Variants in SIGLEC10 observed in about 807,000 individuals in gnomAD.
The protein encoded by SIGLEC10 is sialic acid binding Ig like lectin 10, also known as sialic acid-binding Ig-like lectin 10.
Under a neutral mutation model 68.3 loss-of-function variants are expected in SIGLEC10, and 45 were observed. The ratio of observed to expected loss-of-function variants is 0.66; its 90% CI spans 0.52 to 0.84. The LOEUF (loss-of-function observed/expected upper bound fraction) is 0.84. Ranked by LOEUF, SIGLEC10 falls within the 40% of genes least tolerant of loss-of-function variation. The pLI, the probability that SIGLEC10 is intolerant of heterozygous loss-of-function variation, is 0.00. For missense variants in SIGLEC10, 789 were observed against 883.1 expected (o/e 0.89, Z 1.35); for synonymous variants, 379 against 370.8 (o/e 1.02, Z -0.26).
In SIGLEC10 at chr19:51,414,467, C is replaced by G; in HGVS notation, c.1664G>C (p.Gly555Ala). 1 of 1,614,008 alleles carries G rather than the reference C, an allele frequency of 6.2e-7. No individual in the cohort carries two copies. Among genetic ancestry groups the G allele is most frequent in the Non-Finnish European group, 8.5e-7 (1 of 1,179,984 alleles). The change falls in exon 9 of 11, where the codon GGA (glycine) becomes GCA (alanine). Residue 555 changes from glycine to alanine, a missense_variant. Gly to Ala is a moderately conservative substitution (Grantham distance 60). Transcript: ENST00000339313. This position sits in a 1 kb window ranked among gnomAD's most constrained non-coding sequence, Gnocchi z 4.1. ...GAAAAGAAGAGCCGTGATGCCGATTCCCAGAAACGCTCCGTTGGAGAATGC... is the reference window on the plus strand; with the variant it reads ...GAAAAGAAGAGCCGTGATGCCGATTGCCAGAAACGCTCCGTTGGAGAATGC... Reference protein sequence around the residue: ...STAFSNGAFLGIGITALLFLC... With the variant: ...STAFSNGAFLAIGITALLFLC...
chr19:51,416,967 G>A lies in SIGLEC10; in HGVS notation c.422-17C>T. 6.2e-7 allele frequency: 1 copy of A among 1,600,276 alleles called. No homozygotes were observed. The highest frequency in any genetic ancestry group is 8.5e-7 in the Non-Finnish European group (1 of 1,173,534). The stretch of plus-strand genomic sequence containing the variant: ...GAGTCAGGGCTGGGACAGAGACCGT[G>A]GTGGGAGATTCTTGTGCTGCAGGGG... On this transcript the variant is annotated splice_polypyrimidine_tract_variant and intron_variant, in intron 2 of 10. Transcript: ENST00000339313.
At position 51,413,724 on chromosome 19, in the gene SIGLEC10, C is replaced by G. The variant is rs144827503; in HGVS notation, c.1809G>C (p.Thr603=). The stretch of plus-strand genomic sequence containing the variant: ...CCCAGACACTCACCAGGGGGCCAGC[C>G]GTCGGGACCACATTGATGTAATCCA... ...TILDYINVVP[T]AGPLAQKRNQ... is the part of the protein sequence containing the mutation. Residue 603 remains threonine (T), a synonymous_variant, in exon 10 of 11, where the codon ACG becomes ACC. Coordinates refer to ENST00000339313, the MANE Select transcript of SIGLEC10 (RefSeq NM_033130.5). The G allele has an allele frequency of 6.2e-7, 1 of 1,613,866 alleles. No homozygotes were observed. The highest frequency in any genetic ancestry group is 2.2e-5 in the East Asian group (1 of 44,890).
chr19:51,412,128 G>A (rs879567937), intron 10 of SIGLEC10, among the ~76,000 whole-genome samples: 7 of 151,916 alleles, frequency 4.6e-5, no homozygotes, highest in Non-Finnish European at 5.9e-5. Context: ...GACAACAACA[G>A]TGAAATCCCA....
At position 51,417,555 on chromosome 19, in the gene SIGLEC10, C is replaced by G; in HGVS notation, c.27G>C (p.Ser9=). 6.2e-7 allele frequency: 1 copy of G among 1,614,236 alleles called. No homozygotes were observed. The highest frequency in any genetic ancestry group is 8.5e-7 in the Non-Finnish European group (1 of 1,180,036). MLLPLLLS[S]LLGGSQAMDG... ...CCTTGGCCCACTCACCGCCCAGCAG[C>G]GAGGACAGCAGCAGTGGCAGTAGCA... Residue 9 remains serine, a synonymous_variant, in exon 1 of 11, where the codon TCG becomes TCC. Coordinates refer to ENST00000339313, the MANE Select transcript of SIGLEC10 (RefSeq NM_033130.5).
chr19:51,412,625 T>C (rs143181244), intron 10 of SIGLEC10, among the ~76,000 whole-genome samples: 1,728 of 151,546 alleles, frequency 0.011, 27 homozygotes, highest in African/African-American at 0.04. Context: ...CAGGCACCCA[T>C]CACCATGCCC....
rs1001757913 is a variant in SIGLEC10, at chr19:51,417,140, C to T, written c.363G>A (p.Glu121=). 1 of 1,614,226 alleles carries T rather than the reference C, an allele frequency of 6.2e-7. No individual in the cohort carries two copies. Among genetic ancestry groups the T allele is most frequent in the African/African-American group, 1.3e-5 (1 of 75,056 alleles). ...AATTATATCTCACATAGCTTCCTCT[C>T]TCCACCCGAAAGAAGTACTGTGACT... The part of the protein sequence containing the change: ...QDESQYFFRV[E]RGSYVRYNFM... The change falls in exon 2 of 11, where the codon GAG becomes GAA. Residue 121 remains glutamate, a synonymous_variant. Coordinates refer to ENST00000339313, the MANE Select transcript of SIGLEC10 (RefSeq NM_033130.5).
In SIGLEC10 at chr19:51,410,789, C is replaced by T. The variant is rs1987923783; in HGVS notation, c.*310G>A. The T allele has an allele frequency of 1.3e-5, 3 of 228,672 alleles. No homozygotes were observed. Among genetic ancestry groups the T allele is most frequent in the South Asian group, 8.2e-5 (1 of 12,202 alleles). The allele number at this position is 228,672 out of a possible 1,614,324, so 14.2% of individuals were successfully genotyped here. On this transcript the variant is annotated 3_prime_UTR_variant, in exon 11 of 11. Coordinates refer to ENST00000339313, the MANE Select transcript of SIGLEC10 (RefSeq NM_033130.5). ...TCAGCTTCCCAAGTAGGTAGGATTA[C>T]AGGCGCCTGCCACCATGCCCAGCTA...
Position 51,414,697 on chromosome 19 carries a change from C to T in SIGLEC10, c.1615+127G>A. The T allele has an allele frequency of 6.7e-7, 1 of 1,488,096 alleles. No individual in the cohort carries two copies. The highest frequency in any genetic ancestry group is 1.2e-5 in the South Asian group (1 of 85,666). 92.2% of individuals were successfully genotyped at this position (1,488,096 alleles called of 1,614,324 possible). On this transcript the variant is annotated intron_variant, in intron 8 of 10. Coordinates refer to ENST00000339313, the MANE Select transcript of SIGLEC10 (RefSeq NM_033130.5). This position sits in a 1 kb window ranked among gnomAD's most constrained non-coding sequence, Gnocchi z 4.1. The stretch of plus-strand genomic sequence containing the variant: ...GTGTTAGGACTTCCCATTGTGTTTT[C>T]CTGTCTACATACAGATGCCACGGGT...
chr19:51,415,140 T>G (rs35546227), intron 7 of SIGLEC10, 32 bp from the exon 8 acceptor site: 207,061 of 1,577,040 alleles, frequency 0.13, 14,362 homozygotes, highest in African/African-American at 0.22. Flanking sequence ...CTCAGCAGGG[T>G]CCCCTTCCTG....
In SIGLEC10 at chr19:51,416,846, G is replaced by C. The variant is rs201973397; in HGVS notation, c.526C>G (p.Pro176Ala). The C allele has an allele frequency of 9.9e-6, 16 of 1,614,080 alleles. No individual in the cohort carries two copies. The highest frequency in any genetic ancestry group is 6.6e-5 in the South Asian group (6 of 91,096). The change falls in exon 3 of 11, where the codon CCT (proline) becomes GCT (alanine). Residue 176 changes from proline to alanine, a missense_variant. Transcript: ENST00000339313. Reference sequence around the variant, plus strand: ...GCAGCCCCCGTCCAGGAGAAAGAAGGGGGTGGACATTCCTCAAAGGCCCAG... The same window carrying C: ...GCAGCCCCCGTCCAGGAGAAAGAAGCGGGTGGACATTCCTCAAAGGCCCAG... The part of the protein sequence containing the change: ...FNWAFEECPP[P>A]SFSWTGAALS...
In SIGLEC10 at chr19:51,413,712, C is replaced by T; in HGVS notation, c.1821G>A (p.Leu607=). The T allele has an allele frequency of 6.2e-7, 1 of 1,613,728 alleles. No homozygotes were observed. Residue 607 remains leucine, a splice_region_variant and synonymous_variant, in exon 10 of 11, where the codon CTG becomes CTA. Coordinates refer to ENST00000339313, the MANE Select transcript of SIGLEC10 (RefSeq NM_033130.5). ...GTGGAAGCATGGCCCAGACACTCACCAGGGGGCCAGCCGTCGGGACCACAT... is the reference window on the plus strand; with the variant it reads ...GTGGAAGCATGGCCCAGACACTCACTAGGGGGCCAGCCGTCGGGACCACAT... ...YINVVPTAGP[L]AQKRNQKATP...
rs1198420864 is a variant in SIGLEC10, at chr19:51,410,334, CAA to C, written c.*763_*764del. 1 of 152,234 alleles carries C rather than the reference CAA, an allele frequency of 6.6e-6. No homozygotes were observed. Among genetic ancestry groups the C allele is most frequent in the African/African-American group, 2.4e-5 (1 of 41,446 alleles). 9.4% of individuals were successfully genotyped at this position (152,234 alleles called of 1,614,324 possible). A position where few individuals can be genotyped will look rare whatever the true frequency, so the allele number is the denominator to read the frequency against. On this transcript the variant is annotated 3_prime_UTR_variant, in exon 11 of 11. Coordinates refer to ENST00000339313, the MANE Select transcript of SIGLEC10 (RefSeq NM_033130.5). ...TCTTTACTGCAATCTGTTTTATCAG[CAA>C]AGTCTTTATGACCTGTATCTTGTAC...
chr19:51,415,849 A>G, intron 5 of SIGLEC10, 49 bp downstream of exon 5: 1 of 1,609,510 alleles, frequency 6.2e-7, no homozygotes, highest in Non-Finnish European at 8.5e-7. Flanking sequence ...CAGCCCCTGT[A>G]TCCCTCTGCC....
Position 51,417,466 on chromosome 19 carries a change from C to T in SIGLEC10, c.38-1G>A. ...AATCTCCCATCCATAGCCTGGGACCCTGTGGGGAGACAGAGGCTCAACCTG... is the reference window on the plus strand; with the variant it reads ...AATCTCCCATCCATAGCCTGGGACCTTGTGGGGAGACAGAGGCTCAACCTG... On this transcript the variant is annotated splice_acceptor_variant, in intron 1 of 10. Coordinates refer to ENST00000339313, the MANE Select transcript of SIGLEC10 (RefSeq NM_033130.5). LOFTEE classifies it high-confidence loss of function. 2 of 1,613,806 alleles carry T rather than the reference C, an allele frequency of 1.2e-6. No homozygotes were observed. The highest frequency in any genetic ancestry group is 1.7e-6 in the Non-Finnish European group (2 of 1,179,760).
chr19:51,416,103 C>A lies in SIGLEC10; in HGVS notation c.819G>T (p.Arg273=). The part of the protein sequence containing the change: ...YLEAQKGQFL[R]LLCAADSQPP... ...GCTGGCTGTCAGCAGCACAGAGGAG[C>A]CGCAGGAACTGGCCTTTTTGGGCTT... The change falls in exon 5 of 11, where the codon CGG becomes CGT. Residue 273 remains arginine, a synonymous_variant. Transcript: ENST00000339313. 6.2e-7 allele frequency: 1 copy of A among 1,608,322 alleles called. No individual in the cohort carries two copies. The highest frequency in any genetic ancestry group is 8.5e-7 in the Non-Finnish European group (1 of 1,177,734).
In SIGLEC10 at chr19:51,417,482, G is replaced by A; in HGVS notation, c.38-17C>T. ...CCTGGGACCCTGTGGGGAGACAGAG[G>A]CTCAACCTGCAACCCCAGCCCTAGC... On this transcript the variant is annotated splice_polypyrimidine_tract_variant and intron_variant, in intron 1 of 10. Coordinates refer to ENST00000339313, the MANE Select transcript of SIGLEC10 (RefSeq NM_033130.5). 8 of 1,613,866 alleles carry A rather than the reference G, an allele frequency of 5.0e-6. No homozygotes were observed. Among genetic ancestry groups the A allele is most frequent in the Admixed American group, 1.7e-5 (1 of 60,014 alleles).
Position 51,414,743 on chromosome 19 carries a change from C to A in SIGLEC10, c.1615+81G>T, listed in dbSNP as rs1236313768. The A allele has an allele frequency of 2.5e-6, 4 of 1,591,474 alleles. No homozygotes were observed. Among genetic ancestry groups the A allele is most frequent in the East Asian group, 2.2e-5 (1 of 44,812 alleles). ...CGGGTCTGCTGTGTCCCTCCAAGCTCCTGCTCCAACCACAGGACCCTACTC... is the reference window on the plus strand; with the variant it reads ...CGGGTCTGCTGTGTCCCTCCAAGCTACTGCTCCAACCACAGGACCCTACTC... On this transcript the variant is annotated intron_variant, in intron 8 of 10. Coordinates refer to ENST00000339313, the MANE Select transcript of SIGLEC10 (RefSeq NM_033130.5). The surrounding 1 kb of genome is among the most constrained non-coding windows in gnomAD (Gnocchi z 4.1).
At position 51,414,728 on chromosome 19, in the gene SIGLEC10, GT is replaced by G. The variant is rs1433733437; in HGVS notation, c.1615+95del. 1 of 1,564,416 alleles carries G rather than the reference GT, an allele frequency of 6.4e-7. No individual in the cohort carries two copies. The highest frequency in any genetic ancestry group is 8.7e-7 in the Non-Finnish European group (1 of 1,146,596). The stretch of plus-strand genomic sequence containing the variant: ...TACATACAGATGCCACGGGTCTGCT[GT>G]GTCCCTCCAAGCTCCTGCTCCAACC... On this transcript the variant is annotated intron_variant, in intron 8 of 10. Coordinates refer to ENST00000339313, the MANE Select transcript of SIGLEC10 (RefSeq NM_033130.5). The surrounding 1 kb of genome is among the most constrained non-coding windows in gnomAD (Gnocchi z 4.1).
In SIGLEC10 at chr19:51,414,818, C is replaced by G; in HGVS notation, c.1615+6G>C. 6.2e-7 allele frequency: 1 copy of G among 1,612,888 alleles called. No individual in the cohort carries two copies. On this transcript the variant is annotated splice_donor_region_variant and intron_variant, in intron 8 of 10. Coordinates refer to ENST00000339313, the MANE Select transcript of SIGLEC10 (RefSeq NM_033130.5). The surrounding 1 kb of genome is among the most constrained non-coding windows in gnomAD (Gnocchi z 4.1). ...AAGAACCTTGGCATCCAGGCGGCCC[C>G]CTAACCTGGCAGCTGCAGGATGGAT...
Sources: allele counts gnomAD v4.1 joint callset (sites outside exome capture counted in the v4.1 genomes callset), GRCh38; gene constraint gnomAD v4.1.1; non-coding constraint Gnocchi (gnomAD v3.1); transcripts MANE v1.5; gene names NCBI Gene and HGNC (gene_info 2026-07-23, HGNC 2026-07-21).